The following AFF2 variants were observed in gnomAD, a reference collection of about 807,000 sequenced individuals.
AFF2 encodes the protein ALF transcription elongation factor 2.
A neutral mutation model predicts 76.9 loss-of-function variants in AFF2; 14 were observed. That is an observed-to-expected ratio of 0.18 (90% CI 0.12 to 0.28). The LOEUF is 0.28. AFF2 is among the 10% of genes least tolerant of loss of function. The pLI is 1.00. For missense variants in AFF2, 868 were observed against 1,001.1 expected (o/e 0.87, Z 1.79); for synonymous variants, 398 against 366.7 (o/e 1.09, Z -0.98).
intron 4 of AFF2, among the ~76,000 whole-genome samples, chrX:148,834,100 G>A (rs781902069): frequency 8.9e-5 from 10 of 111,902 alleles, no homozygotes; most frequent in Non-Finnish European, 1.3e-4. Flanking sequence ...GATTTTGTGG[G>A]GTTTGACTTT....
intron 8 of AFF2, among the ~76,000 whole-genome samples, chrX:148,891,968 A>AT (rs1557279788): frequency 8.9e-6 from 1 of 112,173 alleles, no homozygotes; most frequent in Non-Finnish European, 1.9e-5. Context: ...GAAAATGTTC[A>AT]ATTAGTGACC....
intron 1 of AFF2, among the ~76,000 whole-genome samples, chrX:148,650,132 G>A (rs1389541588): frequency 2.7e-5 from 3 of 110,710 alleles, no homozygotes; most frequent in Non-Finnish European, 5.7e-5. Context: ...TGGATAAATT[G>A]ATGGGATTGG....
intron 1 of AFF2, among the ~76,000 whole-genome samples, chrX:148,581,160 T>G (rs113697026): frequency 1.2e-5 from 1 of 81,582 alleles, no homozygotes; most frequent in Admixed American, 1.4e-4. Context: ...CATATACGTA[T>G]ACACACATAC....
chrX:148,967,638 T>C lies in AFF2; in HGVS notation c.3213T>C (p.Asn1071=), dbSNP rs782014626. The C allele has an allele frequency of 8.3e-7, 1 of 1,209,467 alleles. No individual in the cohort carries two copies. Among genetic ancestry groups the C allele is most frequent in the Non-Finnish European group, 1.1e-6 (1 of 893,718 alleles). ...TGTTTTGTTTATTTAGGGTTCACAA[T>C]GCTGATTATTACATGCAAGAAGCTA... ...PKLTFDDSVH[N]ADYYMQEAKK... The change falls in exon 15 of 21, where the codon AAT becomes AAC. Residue 1071 remains asparagine, a synonymous_variant. Transcript: ENST00000370460.
At chrX:148,526,484 A>G (rs1418280324) in intron 1 of AFF2, among the ~76,000 whole-genome samples, 1 of 108,828 alleles carries the variant, frequency 9.2e-6, no homozygotes, top group African/African-American at 3.4e-5. Context: ...TTTCTGGAAC[A>G]AAATACTTCA....
intron 3 of AFF2, among the ~76,000 whole-genome samples, chrX:148,742,854 G>C (rs1557265794): frequency 8.9e-6 from 1 of 111,987 alleles, no homozygotes; most frequent in Admixed American, 9.5e-5. Context: ...CAAGAGGTCT[G>C]TATGTGCTTT....
intron 9 of AFF2, among the ~76,000 whole-genome samples, chrX:148,923,815 A>C (rs1031131143): frequency 4.5e-5 from 5 of 111,880 alleles, no homozygotes; most frequent in African/African-American, 1.6e-4. Flanking sequence ...ATCACAAATC[A>C]CTTTCTGAAT....
At chrX:148,836,184 A>G (rs1034617251) in intron 4 of AFF2, among the ~76,000 whole-genome samples, 1 of 112,480 alleles carries the variant, frequency 8.9e-6, no homozygotes, top group African/African-American at 3.2e-5. Flanking sequence ...GAAGTAGTCT[A>G]TCTCTTAAGT....
intron 9 of AFF2, among the ~76,000 whole-genome samples, chrX:148,931,016 G>C (rs187117135): frequency 0.011 from 1,193 of 111,362 alleles, 14 homozygotes; most frequent in African/African-American, 0.037. Flanking sequence ...AGTTTGGGAG[G>C]CCGAGGTGGG....
At chrX:148,718,459 C>T (rs2055052193) in intron 3 of AFF2, among the ~76,000 whole-genome samples, 1 of 111,186 alleles carries the variant, frequency 9.0e-6, no homozygotes, top group Admixed American at 9.6e-5. Context: ...ATAATTTGTA[C>T]AACCTTGGGC....
chrX:148,967,596 T>C lies in AFF2; in HGVS notation c.3204-33T>C, dbSNP rs781828832. The C allele has an allele frequency of 7.8e-6, 9 of 1,149,501 alleles. No individual in the cohort carries two copies. The South Asian group carries it at 1.7e-4, about 22-fold the overall frequency. 94.7% of individuals were successfully genotyped at this position (1,149,501 alleles called of 1,213,427 possible). On this transcript the variant is annotated intron_variant, in intron 14 of 20. Transcript: ENST00000370460. ...GTCTTTTACTGAAAAGATGAAGCAT[T>C]GGTTTCTGAAAGAGCTTGTTTTGTT... is the stretch of plus-strand genomic sequence containing the variant.
intron 4 of AFF2, among the ~76,000 whole-genome samples, chrX:148,823,132 C>A (rs1310226360): frequency 1.8e-5 from 2 of 111,716 alleles, no homozygotes; most frequent in African/African-American, 6.5e-5. Context: ...CCTGGAGAAT[C>A]CACCCTGATG....
chrX:148,986,291 C>T (rs1194654252), intron 19 of AFF2, among the ~76,000 whole-genome samples: 3 of 112,248 alleles, frequency 2.7e-5, no homozygotes, highest in Non-Finnish European at 5.6e-5. Context: ...GGCAGATGTT[C>T]ATAGTGTGAC....
At chrX:148,806,668 G>A (rs192749224) in intron 3 of AFF2, among the ~76,000 whole-genome samples, 49 of 112,108 alleles carry the variant, frequency 4.4e-4, no homozygotes, top group African/African-American at 1.4e-3. Context: ...AAATGGGAGA[G>A]CTGATGAATA....
chrX:148,836,027 A>G (rs1279920716), intron 4 of AFF2, among the ~76,000 whole-genome samples: 1 of 111,816 alleles, frequency 8.9e-6, no homozygotes, highest in Non-Finnish European at 1.9e-5. Context: ...ATTGTAAAAG[A>G]GATCACTGAG....
intron 1 of AFF2, among the ~76,000 whole-genome samples, chrX:148,541,215 T>TGA (rs782790124): frequency 4.0e-4 from 45 of 112,661 alleles, no homozygotes; most frequent in Non-Finnish European, 7.1e-4. Flanking sequence ...TGATTGTTGC[T>TGA]ATAGTTATCT....
intron 3 of AFF2, among the ~76,000 whole-genome samples, chrX:148,737,590 C>T (rs114138679): frequency 0.015 from 1,695 of 111,239 alleles, 37 homozygotes; most frequent in African/African-American, 0.052. Context: ...TTCCCTTTAC[C>T]GATTTGGATG....
chrX:148,929,840 A>T (rs1482827462), intron 9 of AFF2, among the ~76,000 whole-genome samples: 3 of 112,048 alleles, frequency 2.7e-5, no homozygotes, highest in African/African-American at 3.2e-5. Flanking sequence ...CTACAAAATG[A>T]GTCACACTCT....
At chrX:148,872,766 C>G (rs1169221160) in intron 7 of AFF2, among the ~76,000 whole-genome samples, 2 of 111,593 alleles carry the variant, frequency 1.8e-5, no homozygotes, top group African/African-American at 6.5e-5. Context: ...AAACCCTCAT[C>G]CTGATATCCT....
Sources: gnomAD v4.1 joint callset for allele counts (sites outside exome capture counted in the v4.1 genomes callset) on GRCh38, gnomAD v4.1.1 for gene constraint, MANE v1.5 for transcripts, NCBI Gene and HGNC (gene_info 2026-07-23, HGNC 2026-07-21) for gene names.